The following PRKRIP1 variants were observed in gnomAD, a reference collection of about 807,000 sequenced individuals.
PRKRIP1 encodes PRKR interacting protein 1.
Under a neutral mutation model 29.3 loss-of-function variants are expected in PRKRIP1, and 29 were observed. The observed-to-expected ratio is 0.99, with a 90% CI of 0.74 to 1.35. The LOEUF is 1.35. PRKRIP1 is among the 40% of genes most tolerant of loss of function. PRKRIP1 has a pLI of 0.00. For missense variants in PRKRIP1, 247 were observed against 236.8 expected (o/e 1.04, Z -0.28); for synonymous variants, 90 against 85.1 (o/e 1.06, Z -0.32).
At chr7:102,413,319 A>C (rs1274500824) in intron 5 of PRKRIP1, among the ~76,000 whole-genome samples, 1 of 152,236 alleles carries the variant, frequency 6.6e-6, no homozygotes, top group African/African-American at 2.4e-5. Flanking sequence ...GGCACTCAGC[A>C]TGTGTTTGGA....
intron 2 of PRKRIP1, among the ~76,000 whole-genome samples, chr7:102,399,098 G>C: frequency 6.6e-6 from 1 of 152,056 alleles, no homozygotes; most frequent in East Asian, 1.9e-4. Context: ...CTCCATCTTG[G>C]GTGACAGAGC....
chr7:102,408,760 G>A (rs544604785), intron 5 of PRKRIP1, among the ~76,000 whole-genome samples: 1 of 152,124 alleles, frequency 6.6e-6, no homozygotes, highest in African/African-American at 2.4e-5. Context: ...GCCTATAATC[G>A]CAGCTACTTG....
intron 4 of PRKRIP1, among the ~76,000 whole-genome samples, chr7:102,406,157 G>C (rs563720567): frequency 1.3e-5 from 2 of 152,258 alleles, no homozygotes; most frequent in African/African-American, 4.8e-5. Context: ...AGGCATTGGA[G>C]TTTTCAGTGC....
intron 4 of PRKRIP1, among the ~76,000 whole-genome samples, chr7:102,405,587 C>T (rs1188791306): frequency 6.6e-6 from 1 of 152,064 alleles, no homozygotes; most frequent in Non-Finnish European, 1.5e-5. Context: ...AAAGTGCAAC[C>T]CTGTCTCTAC....
chr7:102,425,112 C>G lies in PRKRIP1; in HGVS notation c.*1C>G, dbSNP rs782708307. ...GCCCAGTTTCACCATGGGGCGATGA[C>G]AATGTTTGCCACAGCCTCTGCCTGG... On this transcript the variant is annotated 3_prime_UTR_variant, in exon 6 of 6. Coordinates refer to ENST00000397912, the MANE Select transcript of PRKRIP1 (RefSeq NM_024653.4). 5 of 1,610,698 alleles carry G rather than the reference C, an allele frequency of 3.1e-6. No homozygotes were observed. In the South Asian group the frequency reaches 5.5e-5, roughly 18 times the overall value.
intron 3 of PRKRIP1, among the ~76,000 whole-genome samples, chr7:102,400,324 A>G (rs546763717): frequency 3.3e-5 from 5 of 152,296 alleles, no homozygotes; most frequent in South Asian, 2.1e-4. Context: ...AAAGGAAAAA[A>G]AAAATAACAC....
At chr7:102,412,313 G>C (rs1313368176) in intron 5 of PRKRIP1, among the ~76,000 whole-genome samples, 3 of 152,160 alleles carry the variant, frequency 2.0e-5, no homozygotes, top group Non-Finnish European at 2.9e-5. Context: ...CTAACATTTT[G>C]GTAGGTCGAG....
chr7:102,414,242 AAAAAG>A (rs1231012180), intron 5 of PRKRIP1, among the ~76,000 whole-genome samples: 1 of 151,820 alleles, frequency 6.6e-6, no homozygotes, highest in Admixed American at 6.6e-5. Context: ...AGAAAGAAAA[AAAAAG>A]AGTGGGGGAA....
chr7:102,425,020 G>C lies in PRKRIP1; in HGVS notation c.464G>C (p.Gly155Ala). ...KLEQKKQEGP[G>A]QPKEQGSSSS... ...GAATGTCGTGTGGTTACAGGACCCG[G>C]TCAGCCCAAGGAGCAGGGGTCCAGC... The change falls in exon 6 of 6, where the codon GGT becomes GCT. Residue 155 changes from glycine (G) to alanine (A), a missense_variant. Gly to Ala is a moderately conservative substitution (Grantham distance 60). Transcript: ENST00000397912. The C allele has an allele frequency of 6.2e-7, 1 of 1,612,638 alleles. No individual in the cohort carries two copies. Among genetic ancestry groups the C allele is most frequent in the Non-Finnish European group, 8.5e-7 (1 of 1,179,540 alleles).
In PRKRIP1 at chr7:102,404,287, C is replaced by T. The variant is rs148495023; in HGVS notation, c.307-311C>T. ...CTCTGGGCAGTATCCAAGGCCCCGG[C>T]TGAGCAGATGGTGAGCGCTGCCCTC... On this transcript the variant is annotated intron_variant, in intron 3 of 5. Transcript: ENST00000397912. 3.0e-3 allele frequency: 704 copies of T among 237,794 alleles called. 7 individuals are homozygous for T. Among genetic ancestry groups the T allele is most frequent in the African/African-American group, 0.015 (677 of 45,286 alleles). 14.7% of individuals were successfully genotyped at this position (237,794 alleles called of 1,614,324 possible). A position where few individuals can be genotyped will look rare whatever the true frequency, so the allele number is the denominator to read the frequency against.
At chr7:102,423,132 TGAG>T in intron 5 of PRKRIP1, 1 of 453,252 alleles carries the variant, frequency 2.2e-6, no homozygotes, top group Non-Finnish European at 4.4e-6. Context: ...TTTTTTTTTT[TGAG>T]ACAGAGTCTG....
intron 3 of PRKRIP1, among the ~76,000 whole-genome samples, chr7:102,402,363 G>A (rs782105461): frequency 6.6e-6 from 1 of 151,926 alleles, no homozygotes; most frequent in Admixed American, 6.6e-5. Context: ...GCTTGAGCCT[G>A]GACGGTCAAG....
intron 5 of PRKRIP1, among the ~76,000 whole-genome samples, chr7:102,415,664 T>A (rs1796515774): frequency 6.6e-6 from 1 of 152,260 alleles, no homozygotes; most frequent in Non-Finnish European, 1.5e-5. Context: ...TAACTAACAA[T>A]CCTTACAGCA....
At chr7:102,396,577 A>G (rs2133158324) in intron 1 of PRKRIP1, 40 bp downstream of exon 1, 2 of 1,582,900 alleles carry the variant, frequency 1.3e-6, no homozygotes, top group Non-Finnish European at 8.6e-7. Context: ...TCCGAGGCCC[A>G]CCCCCTTCCT....
chr7:102,408,568 A>G (rs539539143), intron 5 of PRKRIP1, among the ~76,000 whole-genome samples: 2 of 152,292 alleles, frequency 1.3e-5, no homozygotes, highest in Non-Finnish European at 2.9e-5. Flanking sequence ...CCCCAGCTGG[A>G]AAGGGCCAAG....
chr7:102,413,413 G>T (rs1554572723), intron 5 of PRKRIP1, among the ~76,000 whole-genome samples: 1 of 152,210 alleles, frequency 6.6e-6, no homozygotes, highest in East Asian at 1.9e-4. Context: ...TGGAAAAAGA[G>T]ATACTCTATG....
At chr7:102,415,623 G>C (rs1373875461) in intron 5 of PRKRIP1, among the ~76,000 whole-genome samples, 1 of 152,186 alleles carries the variant, frequency 6.6e-6, no homozygotes, top group African/African-American at 2.4e-5. Context: ...TGCTTCTTAC[G>C]TACCCCTAGT....
chr7:102,406,191 C>A (rs1796217090), intron 4 of PRKRIP1, among the ~76,000 whole-genome samples: 1 of 152,196 alleles, frequency 6.6e-6, no homozygotes, highest in South Asian at 2.1e-4. Flanking sequence ...GCTGCACATA[C>A]TTCTCCAGTG....
At chr7:102,418,436 GC>G (rs1219652053) in intron 5 of PRKRIP1, among the ~76,000 whole-genome samples, 1 of 152,146 alleles carries the variant, frequency 6.6e-6, no homozygotes, top group Non-Finnish European at 1.5e-5. Flanking sequence ...CTGGATGGTT[GC>G]TTTTAGGCTC....
Sources: allele counts gnomAD v4.1 joint callset (sites outside exome capture counted in the v4.1 genomes callset), GRCh38; gene constraint gnomAD v4.1.1; transcripts MANE v1.5; gene names NCBI Gene and HGNC (gene_info 2026-07-23, HGNC 2026-07-21).